The following MRPS6 variants were observed in gnomAD, a reference collection of about 807,000 sequenced individuals.
MRPS6 encodes mitochondrial ribosomal protein S6, also known as small ribosomal subunit protein bS6m.
Under a neutral mutation model 13.1 loss-of-function variants are expected in MRPS6, and 6 were observed. The ratio of observed to expected loss-of-function variants is 0.46; its 90% CI spans 0.25 to 0.91. The LOEUF (loss-of-function observed/expected upper bound fraction) is 0.91. Among genes scored for constraint, MRPS6 ranks in the 40% least tolerant of loss-of-function variants. MRPS6 has a pLI of 0.18. For missense variants in MRPS6, 164 were observed against 155.6 expected (o/e 1.05, Z -0.29); for synonymous variants, 61 against 56.5 (o/e 1.08, Z -0.36).
intron 1 of MRPS6, among the ~76,000 whole-genome samples, chr21:34,075,941 G>T (rs1171639178): frequency 6.6e-6 from 1 of 152,332 alleles, no homozygotes; most frequent in African/African-American, 2.4e-5. Context: ...AGAAACCACA[G>T]TTCTAACCCG....
intron 1 of MRPS6, chr21:34,104,561 T>C (rs1284125154): frequency 1.0e-6 from 1 of 998,942 alleles, no homozygotes; most frequent in Non-Finnish European, 1.2e-6. Flanking sequence ...GAAGACTATA[T>C]CTGGTGTAGA....
chr21:34,089,057 C>T (rs576864413), intron 1 of MRPS6, among the ~76,000 whole-genome samples: 14 of 152,066 alleles, frequency 9.2e-5, no homozygotes, highest in South Asian at 6.2e-4. Context: ...GAGACAGTCT[C>T]GCTCTGTTGC....
rs1343681507 is a variant in MRPS6, at chr21:34,125,363, A to G, written c.68A>G (p.Lys23Arg). The G allele has an allele frequency of 6.2e-7, 1 of 1,612,134 alleles. No homozygotes were observed. The highest frequency in any genetic ancestry group is 1.3e-5 in the African/African-American group (1 of 74,744). Residue 23 changes from lysine to arginine, a missense_variant, in exon 2 of 3, where the codon AAA (lysine) becomes AGA (arginine). Lys to Arg is a conservative substitution (Grantham distance 26). Transcript: ENST00000399312. The stretch of plus-strand genomic sequence containing the variant: ...CAGCCAGAGACTGCTGCTACTTTGA[A>G]ACGTACGATAGAGGCCCTGATGGAC... ...MQRPETAATL[K>R]RTIEALMDRG...
intron 1 of MRPS6, chr21:34,105,687 A>G (rs548532285): frequency 5.0e-6 from 5 of 998,234 alleles, no homozygotes; most frequent in East Asian, 2.3e-4. Flanking sequence ...TAATTTTGTT[A>G]TTAGTGAGTT....
Position 34,096,402 on chromosome 21 carries a change from G to T in MRPS6, c.45+22657G>T, listed in dbSNP as rs1978967337. ...TGTGTACAAACTTATCCGCAAGAGCGCAAGCTCCCGGGAGTTAATGATTGT... is the reference window on the plus strand; with the variant it reads ...TGTGTACAAACTTATCCGCAAGAGCTCAAGCTCCCGGGAGTTAATGATTGT... On this transcript the variant is annotated intron_variant, in intron 1 of 2. Transcript: ENST00000399312. The surrounding 1 kb of genome is among the most constrained non-coding windows in gnomAD (Gnocchi z 5.9). The T allele has an allele frequency of 6.2e-7, 1 of 1,614,206 alleles. No individual in the cohort carries two copies. The highest frequency in any genetic ancestry group is 8.5e-7 in the Non-Finnish European group (1 of 1,180,026).
At chr21:34,132,270 C>A (rs1489908646) in intron 2 of MRPS6, among the ~76,000 whole-genome samples, 1 of 152,130 alleles carries the variant, frequency 6.6e-6, no homozygotes, top group Non-Finnish European at 1.5e-5. Context: ...TTCTCACCTT[C>A]GCTGTTTTGG....
rs1485475772 is a variant in MRPS6, at chr21:34,096,827, C to T, written c.45+23082C>T. On this transcript the variant is annotated intron_variant, in intron 1 of 2. Coordinates refer to ENST00000399312, the MANE Select transcript of MRPS6 (RefSeq NM_032476.4). The surrounding 1 kb of genome is among the most constrained non-coding windows in gnomAD (Gnocchi z 5.9). ...CTCCCACAAAGGAACAGATTCGAAC[C>T]ACCACCTTTTGGTCTAAGAAGAACC... is the stretch of plus-strand genomic sequence containing the variant. 6.8e-6 allele frequency: 11 copies of T among 1,613,884 alleles called. No homozygotes were observed. The highest frequency in any genetic ancestry group is 1.3e-5 in the African/African-American group (1 of 74,894).
chr21:34,132,160 A>T (rs1980525563), intron 2 of MRPS6, among the ~76,000 whole-genome samples: 1 of 152,032 alleles, frequency 6.6e-6, no homozygotes, highest in Non-Finnish European at 1.5e-5. Flanking sequence ...CCTGGGAGAG[A>T]CATCTTGGTT....
At chr21:34,107,070 T>A (rs1979511182) in intron 1 of MRPS6, among the ~76,000 whole-genome samples, 1 of 152,170 alleles carries the variant, frequency 6.6e-6, no homozygotes, top group Non-Finnish European at 1.5e-5. Context: ...TAACTGGGAT[T>A]ACAGGCATGC....
chr21:34,120,945 C>T (rs1231033668), intron 1 of MRPS6, among the ~76,000 whole-genome samples: 2 of 152,036 alleles, frequency 1.3e-5, no homozygotes, highest in African/African-American at 2.4e-5. Context: ...CTTAGAGTTC[C>T]TTGAGGAAAG....
chr21:34,094,196 T>A (rs1978855525), intron 1 of MRPS6, among the ~76,000 whole-genome samples: 1 of 152,168 alleles, frequency 6.6e-6, no homozygotes, highest in African/African-American at 2.4e-5. Context: ...TGGATATTTT[T>A]AGTTTTGTGT....
chr21:34,139,860 G>C (rs371479333), intron 2 of MRPS6, among the ~76,000 whole-genome samples: 7 of 152,248 alleles, frequency 4.6e-5, no homozygotes, highest in African/African-American at 1.4e-4. Context: ...TTACAGGTGT[G>C]AGCCCCAGCG....
chr21:34,137,614 C>T (rs1169285638), intron 2 of MRPS6, among the ~76,000 whole-genome samples: 3 of 152,122 alleles, frequency 2.0e-5, no homozygotes, highest in Non-Finnish European at 4.4e-5. Flanking sequence ...CTGGCTAGAA[C>T]CTCCATTTCA....
At chr21:34,134,009 G>A in intron 2 of MRPS6, among the ~76,000 whole-genome samples, 1 of 152,196 alleles carries the variant, frequency 6.6e-6, no homozygotes, top group Non-Finnish European at 1.5e-5. Context: ...CCCACCAGGT[G>A]GCCAAATGGA....
At chr21:34,130,640 A>G (rs950005091) in intron 2 of MRPS6, among the ~76,000 whole-genome samples, 5 of 152,220 alleles carry the variant, frequency 3.3e-5, no homozygotes, top group African/African-American at 1.2e-4. Context: ...AGGGCACATT[A>G]TCACCTGGAA....
intron 1 of MRPS6, chr21:34,105,305 T>G: frequency 5.0e-6 from 5 of 999,998 alleles, no homozygotes; most frequent in Non-Finnish European, 6.0e-6. Context: ...TCTCAGTGCT[T>G]TCTTTTTTCT....
chr21:34,082,501 T>C lies in MRPS6; in HGVS notation c.45+8756T>C, dbSNP rs144410508. Among the ~76,000 whole-genome samples the C allele has an allele frequency of 1.7e-3, 254 of 152,322 alleles. 1 individual carries two copies. Among genetic ancestry groups the C allele is most frequent in the African/African-American group, 5.9e-3 (244 of 41,552 alleles). On this transcript the variant is annotated intron_variant, in intron 1 of 2. Transcript: ENST00000399312. Reference sequence around the variant, plus strand: ...ACCTCTTAGGTGTTTGAAATACTACTGGCATGCAAAGATTGCTTTGCCTAG... The same window carrying C: ...ACCTCTTAGGTGTTTGAAATACTACCGGCATGCAAAGATTGCTTTGCCTAG...
At chr21:34,133,351 GA>G (rs1330700525) in intron 2 of MRPS6, among the ~76,000 whole-genome samples, 1 of 152,190 alleles carries the variant, frequency 6.6e-6, no homozygotes, top group Non-Finnish European at 1.5e-5. Flanking sequence ...ACACTTTCAG[GA>G]GGGCTGGATG....
intron 1 of MRPS6, among the ~76,000 whole-genome samples, chr21:34,082,651 A>AG (rs968719693): frequency 3.9e-5 from 6 of 152,138 alleles, no homozygotes; most frequent in African/African-American, 1.4e-4. Context: ...TAGAGGAGGG[A>AG]GGTGATGACA....
Sources: gnomAD v4.1 joint callset for allele counts (sites outside exome capture counted in the v4.1 genomes callset) on GRCh38, gnomAD v4.1.1 for gene constraint, Gnocchi (gnomAD v3.1) non-coding constraint, MANE v1.5 for transcripts, NCBI Gene and HGNC (gene_info 2026-07-23, HGNC 2026-07-21) for gene names.